OSBPL10: variants seen among roughly 807,000 people sequenced by gnomAD.
The protein encoded by OSBPL10 is oxysterol-binding protein-related protein 10.
OSBPL10 carries 49 observed loss-of-function variants against 81.7 expected under a neutral mutation model. That is an observed-to-expected ratio of 0.60 (90% CI 0.48 to 0.76). OSBPL10 has a LOEUF of 0.76. Ranked by LOEUF, OSBPL10 falls within the 30% of genes least tolerant of loss-of-function variation. OSBPL10 has a pLI of 0.00. For synonymous variants in OSBPL10, 419 were observed against 383.6 expected, an observed-to-expected ratio of 1.09 and a Z score of -1.08; for missense variants, 923 against 987.8, an observed-to-expected ratio of 0.93 and a Z score of 0.88.
At chr3:31,744,659 G>C (rs1697465241) in intron 5 of OSBPL10, among the ~76,000 whole-genome samples, 1 of 151,882 alleles carries the variant, frequency 6.6e-6, no homozygotes, top group African/African-American at 2.4e-5. Context: ...CATAATTTTA[G>C]GGACACTTCT....
intron 2 of OSBPL10, among the ~76,000 whole-genome samples, chr3:31,994,851 A>G (rs1402549272): frequency 6.6e-6 from 1 of 152,132 alleles, no homozygotes; most frequent in African/African-American, 2.4e-5. Flanking sequence ...GGTTCTTTCT[A>G]TTTTCCCTAA....
chr3:31,695,456 C>T (rs1288700053), intron 7 of OSBPL10, among the ~76,000 whole-genome samples: 1 of 152,142 alleles, frequency 6.6e-6, no homozygotes, highest in Non-Finnish European at 1.5e-5. Flanking sequence ...GTCCACCACC[C>T]CCTTGTGGTC....
In OSBPL10 at chr3:32,065,354, A is replaced by G. The variant is rs1298561984; in HGVS notation, n.185+12042T>C. 1.5e-4 allele frequency: 14 copies of G among 93,110 alleles called. 6 individuals carry two copies. Among genetic ancestry groups the G allele is most frequent in the Non-Finnish European group, 4.0e-4 (14 of 34,790 alleles). 5.8% of individuals were successfully genotyped at this position (93,110 alleles called of 1,614,324 possible). A position where few individuals can be genotyped will look rare whatever the true frequency, so the allele number is the denominator to read the frequency against. On this transcript the variant is annotated intron_variant and non_coding_transcript_variant, in intron 1 of 3. Transcript: ENST00000479173. The stretch of plus-strand genomic sequence containing the variant: ...AATCTTGTAATCATGTCATACTTGG[A>G]GAAATATGCTCAGATCTGGGTTTCA...
At chr3:31,690,104 G>A (rs1036917754) in intron 7 of OSBPL10, among the ~76,000 whole-genome samples, 1 of 152,100 alleles carries the variant, frequency 6.6e-6, no homozygotes, top group Non-Finnish European at 1.5e-5. Context: ...GTTTGGATTT[G>A]TGTCCCCACC....
intron 4 of OSBPL10, among the ~76,000 whole-genome samples, chr3:31,804,346 G>A (rs567738503): frequency 3.9e-5 from 6 of 152,188 alleles, no homozygotes; most frequent in East Asian, 3.9e-4. Flanking sequence ...TTAGAAAAAC[G>A]AGGCAAGGAG....
intron 3 of OSBPL10, among the ~76,000 whole-genome samples, chr3:31,868,862 C>T (rs1701247993): frequency 6.6e-6 from 1 of 152,170 alleles, no homozygotes; most frequent in Admixed American, 6.5e-5. Flanking sequence ...CTCCAACTCC[C>T]GAATCCACTC....
intron 5 of OSBPL10, among the ~76,000 whole-genome samples, chr3:31,744,287 T>A (rs1697449145): frequency 6.6e-6 from 1 of 152,074 alleles, no homozygotes; most frequent in African/African-American, 2.4e-5. Flanking sequence ...ACGCCTATAA[T>A]CCCAGCACTT....
rs2125547837 is a variant in OSBPL10, at chr3:31,683,846, G to A, written c.1514C>T (p.Ser505Phe). 6 of 1,614,258 alleles carry A rather than the reference G, an allele frequency of 3.7e-6. No homozygotes were observed. Among genetic ancestry groups the A allele is most frequent in the Non-Finnish European group, 5.1e-6 (6 of 1,180,054 alleles). The part of the protein sequence containing the change: ...KDRVKPKRTA[S>F]RSPASCHEHP... ...TTCGTGACAGCTGGCAGGAGAGCGG[G>A]AAGCAGTCCTCTTAGGCTTGACCCT... The change falls in exon 8 of 12, where the codon TCC becomes TTC. Residue 505 changes from serine (S) to phenylalanine (F), a missense_variant. Transcript: ENST00000396556.
chr3:32,000,367 T>C, intron 2 of OSBPL10, among the ~76,000 whole-genome samples: 1 of 152,190 alleles, frequency 6.6e-6, no homozygotes, highest in East Asian at 1.9e-4. Context: ...AGGATCAGAC[T>C]GCCTCCAACT....
intron 1 of OSBPL10, among the ~76,000 whole-genome samples, chr3:31,979,983 A>ATTATT (rs371577529): frequency 2.5e-4 from 37 of 150,938 alleles, no homozygotes; most frequent in East Asian, 1.2e-3. Context: ...CTTTCTTTTT[A>ATTATT]TTATTTTATT....
chr3:31,858,649 G>A (rs1288240289), intron 3 of OSBPL10, among the ~76,000 whole-genome samples: 4 of 152,138 alleles, frequency 2.6e-5, no homozygotes, highest in East Asian at 1.9e-4. Context: ...GTTCTGAACC[G>A]GGTACTGCCC....
At chr3:31,897,169 T>C (rs963529892) in intron 1 of OSBPL10, among the ~76,000 whole-genome samples, 1 of 152,120 alleles carries the variant, frequency 6.6e-6, no homozygotes, top group African/African-American at 2.4e-5. Context: ...ATACCATAGT[T>C]AGCCTCAGCA....
At chr3:31,819,002 C>T (rs576732370) in intron 4 of OSBPL10, among the ~76,000 whole-genome samples, 17 of 152,342 alleles carry the variant, frequency 1.1e-4, no homozygotes, top group Admixed American at 5.2e-4. Flanking sequence ...TACAGACTCC[C>T]ACATTCTACC....
At chr3:31,779,849 C>T (rs1490233055) in intron 4 of OSBPL10, among the ~76,000 whole-genome samples, 1 of 152,182 alleles carries the variant, frequency 6.6e-6, no homozygotes, top group African/African-American at 2.4e-5. Context: ...ATATCAAGTA[C>T]TCTCTCAGAC....
intron 4 of OSBPL10, among the ~76,000 whole-genome samples, chr3:31,788,459 T>G (rs1698916283): frequency 6.6e-6 from 1 of 152,216 alleles, no homozygotes; most frequent in Non-Finnish European, 1.5e-5. Context: ...TTCTTGATCT[T>G]GTTTTACAAA....
intron 1 of OSBPL10, among the ~76,000 whole-genome samples, chr3:31,957,357 C>G (rs1698039100): frequency 6.6e-6 from 1 of 152,128 alleles, no homozygotes; most frequent in African/African-American, 2.4e-5. Context: ...GTTATGAGAT[C>G]TGGAAACAGC....
At chr3:31,876,208 A>G (rs1377716004) in intron 3 of OSBPL10, among the ~76,000 whole-genome samples, 2 of 152,186 alleles carry the variant, frequency 1.3e-5, no homozygotes, top group Non-Finnish European at 2.9e-5. Context: ...GTCTTTCCAG[A>G]TTCGGTTCCC....
At chr3:31,952,521 C>A (rs898202961) in intron 1 of OSBPL10, among the ~76,000 whole-genome samples, 9 of 152,176 alleles carry the variant, frequency 5.9e-5, no homozygotes, top group African/African-American at 2.2e-4. Context: ...GGGCAGGAAC[C>A]CATCTACAAT....
intron 1 of OSBPL10, among the ~76,000 whole-genome samples, chr3:32,068,687 T>C (rs1308182058): frequency 1.3e-5 from 2 of 152,048 alleles, no homozygotes; most frequent in Admixed American, 1.3e-4. Flanking sequence ...TGTCGAAAAA[T>C]GGGCAAATGG....
Sources: allele counts gnomAD v4.1 joint callset (sites outside exome capture counted in the v4.1 genomes callset), GRCh38; gene constraint gnomAD v4.1.1; transcripts MANE v1.5; gene names NCBI Gene and HGNC (gene_info 2026-07-23, HGNC 2026-07-21).